Variants in AGBL4 observed in about 807,000 individuals in gnomAD.
The protein encoded by AGBL4 is AGBL carboxypeptidase 4, also known as cytosolic carboxypeptidase 6.
In AGBL4, 58 loss-of-function variants were observed where a neutral mutation model predicts 66.4. The ratio of observed to expected loss-of-function variants is 0.87; its 90% CI spans 0.71 to 1.09. The LOEUF is 1.09. Among genes scored for constraint, AGBL4 ranks in the 50% least tolerant of loss-of-function variants. The pLI is 0.00. For synonymous variants in AGBL4, 234 were observed against 222.9 expected, an observed-to-expected ratio of 1.05 and a Z score of -0.44; for missense variants, 579 against 631.0, an observed-to-expected ratio of 0.92 and a Z score of 0.88.
At chr1:48,717,815 C>T (rs1166413170) in intron 6 of AGBL4, among the ~76,000 whole-genome samples, 1 of 152,170 alleles carries the variant, frequency 6.6e-6, no homozygotes, top group African/African-American at 2.4e-5. Flanking sequence ...AATCTTGACC[C>T]TCTCCCTTTT....
At chr1:49,233,961 G>A (rs777638084) in intron 4 of AGBL4, among the ~76,000 whole-genome samples, 1 of 152,136 alleles carries the variant, frequency 6.6e-6, no homozygotes, top group Non-Finnish European at 1.5e-5. Context: ...ACTACTAATA[G>A]AAAGCTCCCA....
chr1:49,848,627 C>T (rs761826009), intron 2 of AGBL4, among the ~76,000 whole-genome samples: 8 of 151,994 alleles, frequency 5.3e-5, no homozygotes, highest in Non-Finnish European at 1.0e-4. Context: ...ACATATAGAA[C>T]GTGGAATAAT....
chr1:49,407,033 C>G (rs1418009426), intron 3 of AGBL4, among the ~76,000 whole-genome samples: 1 of 138,358 alleles, frequency 7.2e-6, no homozygotes, highest in East Asian at 2.1e-4. Context: ...CCACTGCATT[C>G]CAGCCAGGGC....
intron 2 of AGBL4, among the ~76,000 whole-genome samples, chr1:49,812,334 C>T (rs1191893685): frequency 1.3e-5 from 2 of 152,236 alleles, no homozygotes; most frequent in South Asian, 2.1e-4. Flanking sequence ...ATAGGGATCC[C>T]TCTGAGCATG....
intron 1 of AGBL4, among the ~76,000 whole-genome samples, chr1:49,898,781 G>T (rs530412118): frequency 6.6e-6 from 1 of 152,108 alleles, no homozygotes; most frequent in Non-Finnish European, 1.5e-5. Flanking sequence ...GTACTATCCA[G>T]CCATAAAAAA....
chr1:49,033,401 T>C (rs1456247222), intron 5 of AGBL4, among the ~76,000 whole-genome samples: 1 of 152,158 alleles, frequency 6.6e-6, no homozygotes, highest in Non-Finnish European at 1.5e-5. Context: ...TTACTTTTCA[T>C]ATGTTTGCTT....
intron 3 of AGBL4, among the ~76,000 whole-genome samples, chr1:49,625,612 T>C (rs1202216132): frequency 6.6e-6 from 1 of 152,176 alleles, no homozygotes; most frequent in Non-Finnish European, 1.5e-5. Context: ...AGGCATTAGA[T>C]TTCTGTTACT....
chr1:49,433,053 C>T (rs2148658950), intron 3 of AGBL4, among the ~76,000 whole-genome samples: 1 of 152,238 alleles, frequency 6.6e-6, no homozygotes, highest in South Asian at 2.1e-4. Flanking sequence ...AGTGGAGGTT[C>T]CTGGAGGGTG....
intron 3 of AGBL4, among the ~76,000 whole-genome samples, chr1:49,593,933 A>G (rs1223481614): frequency 6.6e-6 from 1 of 152,184 alleles, no homozygotes; most frequent in Non-Finnish European, 1.5e-5. Context: ...ATATAAATGC[A>G]CATACTTGTA....
chr1:49,050,581 T>C (rs1644190012), intron 4 of AGBL4, among the ~76,000 whole-genome samples: 1 of 152,152 alleles, frequency 6.6e-6, no homozygotes, highest in Admixed American at 6.6e-5. Context: ...GAATATATCA[T>C]ATTCTCAAAA....
intron 4 of AGBL4, among the ~76,000 whole-genome samples, chr1:49,048,804 GAA>G (rs201211809): frequency 2.8e-5 from 4 of 142,126 alleles, no homozygotes; most frequent in Non-Finnish European, 3.1e-5. Context: ...GCCAAGAGAG[GAA>G]AAAAAAAAAA....
intron 11 of AGBL4, among the ~76,000 whole-genome samples, chr1:48,541,357 T>C (rs1309565258): frequency 6.6e-6 from 1 of 152,236 alleles, no homozygotes; most frequent in African/African-American, 2.4e-5. Flanking sequence ...GTCTCTTCTT[T>C]TCAGTAGCCC....
chr1:48,746,219 G>A (rs1400255562), intron 6 of AGBL4, among the ~76,000 whole-genome samples: 4 of 152,158 alleles, frequency 2.6e-5, no homozygotes, highest in Admixed American at 6.5e-5. Context: ...TCAGAGTCTA[G>A]TACAGAGTGG....
intron 3 of AGBL4, among the ~76,000 whole-genome samples, chr1:49,332,773 T>A (rs761776993): frequency 1.3e-5 from 2 of 152,230 alleles, no homozygotes; most frequent in Non-Finnish European, 2.9e-5. Context: ...TATACATACG[T>A]ACCTGAAAAA....
chr1:49,943,413 G>A lies in AGBL4; in HGVS notation c.34+80350C>T, dbSNP rs143015360. On this transcript the variant is annotated intron_variant, in intron 1 of 13. Coordinates refer to ENST00000371839, the MANE Select transcript of AGBL4 (RefSeq NM_032785.4). Reference sequence around the variant, plus strand: ...AACCCACCAACCCTCTAAAGGAAGCGGATTGCTCCTGCAGGACCTGGGAAA... The same window carrying A: ...AACCCACCAACCCTCTAAAGGAAGCAGATTGCTCCTGCAGGACCTGGGAAA... Among the ~76,000 whole-genome samples, 529 of 152,220 alleles carry A rather than the reference G, an allele frequency of 3.5e-3. 1 individual carries two copies. The highest frequency in any genetic ancestry group is 0.012 in the African/African-American group (495 of 41,534).
intron 6 of AGBL4, among the ~76,000 whole-genome samples, chr1:48,764,144 G>T (rs1425855052): frequency 6.6e-6 from 1 of 152,240 alleles, no homozygotes; most frequent in Non-Finnish European, 1.5e-5. Context: ...GAATAAGGGA[G>T]AAGTAACTGC....
At chr1:49,903,080 C>CA (rs765333943) in intron 1 of AGBL4, among the ~76,000 whole-genome samples, 52 of 152,082 alleles carry the variant, frequency 3.4e-4, no homozygotes, top group Non-Finnish European at 5.6e-4. Flanking sequence ...ATAGCAAAGA[C>CA]ATAGAATCAA....
At chr1:49,304,531 A>C (rs1298317815) in intron 3 of AGBL4, among the ~76,000 whole-genome samples, 1 of 152,176 alleles carries the variant, frequency 6.6e-6, no homozygotes, top group Admixed American at 6.5e-5. Flanking sequence ...AGGCAGGTAC[A>C]GGGGAGAGAT....
intron 4 of AGBL4, among the ~76,000 whole-genome samples, chr1:49,069,997 G>T (rs1644568912): frequency 6.6e-6 from 1 of 151,864 alleles, no homozygotes; most frequent in African/African-American, 2.4e-5. Context: ...TGTAGCAATT[G>T]TGAATGGGAG....
Sources: gnomAD v4.1 joint callset for allele counts (sites outside exome capture counted in the v4.1 genomes callset) on GRCh38, gnomAD v4.1.1 for gene constraint, MANE v1.5 for transcripts, NCBI Gene and HGNC (gene_info 2026-07-23, HGNC 2026-07-21) for gene names.